Variants in RPAP1 observed in about 807,000 individuals in gnomAD.
The protein encoded by RPAP1 is RNA polymerase II associated protein 1.
A neutral mutation model predicts 142.4 loss-of-function variants in RPAP1; 109 were observed. The observed-to-expected ratio is 0.77, with a 90% CI of 0.66 to 0.90. The LOEUF is 0.90. Among genes scored for constraint, RPAP1 ranks in the 40% least tolerant of loss-of-function variants. RPAP1 has a pLI of 0.00. For synonymous variants in RPAP1, 704 were observed against 738.9 expected (o/e 0.95, Z 0.77); for missense variants, 1,546 against 1,751.7 (o/e 0.88, Z 2.10).
Position 41,517,235 on chromosome 15 carries a change from C to T in RPAP1, c.*307G>A, listed in dbSNP as rs571977663. On this transcript the variant is annotated 3_prime_UTR_variant, in exon 25 of 25. Coordinates refer to ENST00000304330, the MANE Select transcript of RPAP1 (RefSeq NM_015540.4). ...CAACTATAGCATTCATATGCCTCAG[C>T]CCAGGGCAGGGGTTGGGAGTTAGGT... The T allele has an allele frequency of 2.4e-4, 60 of 254,608 alleles. No homozygotes were observed. In the South Asian group the frequency reaches 7.0e-3, roughly 30 times the overall value. The allele number at this position is 254,608 out of a possible 1,614,324, so 15.8% of individuals were successfully genotyped here.
At chr15:41,522,483 C>A (rs892353405) in intron 19 of RPAP1, 4 of 569,482 alleles carry the variant, frequency 7.0e-6, no homozygotes, top group African/African-American at 5.6e-5. Context: ...CTCCGCCTCC[C>A]GGGTTCAAGT....
At chr15:41,522,581 G>A (rs1006828154) in intron 19 of RPAP1, 184 bp downstream of exon 19, 5 of 577,832 alleles carry the variant, frequency 8.7e-6, no homozygotes, top group African/African-American at 5.7e-5. Flanking sequence ...GTAGAGATGG[G>A]GTTTCTCCAT....
At position 41,520,906 on chromosome 15, in the gene RPAP1, C is replaced by T; in HGVS notation, c.3280G>A (p.Glu1094Lys). The change falls in exon 22 of 25, where the codon GAG becomes AAG. Residue 1094 changes from glutamate (E) to lysine (K), a missense_variant. Physicochemically the swap from Glu to Lys is moderately conservative, Grantham distance 56. This residue lies in a region of RPAP1 where 1,333 missense variants were observed against 1,486.6 expected (regional missense o/e 0.90). Coordinates refer to ENST00000304330, the MANE Select transcript of RPAP1 (RefSeq NM_015540.4). ...GGCCAGTCGGTGGGCAGCAGCGGCT[C>T]CGTAGGCATGGGCAGTAGCAGGGTT... ...VPTLLLPMPT[E>K]PLLPTDWPFL... 1 of 1,613,426 alleles carries T rather than the reference C, an allele frequency of 6.2e-7. No homozygotes were observed. The highest frequency in any genetic ancestry group is 8.5e-7 in the Non-Finnish European group (1 of 1,179,970).
chr15:41,531,600 CATATATATATATAT>C (rs779055706), intron 6 of RPAP1, among the ~76,000 whole-genome samples: 4 of 67,642 alleles, frequency 5.9e-5, no homozygotes, highest in African/African-American at 2.1e-4. Flanking sequence ...TGCACACACA[CATATATATATATAT>C]ATATATATAT....
intron 6 of RPAP1, among the ~76,000 whole-genome samples, chr15:41,532,418 C>A (rs2051860815): frequency 6.6e-6 from 1 of 152,126 alleles, no homozygotes; most frequent in South Asian, 2.1e-4. Context: ...CTCACCTCAA[C>A]CTCCCAAAGT....
At chr15:41,544,054 C>A (rs1365664221) in intron 1 of RPAP1, 165 bp downstream of exon 1, 1 of 151,988 alleles carries the variant, frequency 6.6e-6, no homozygotes, top group African/African-American at 2.4e-5. Context: ...CAGCTTTCGC[C>A]GCCCGTTGAA....
At position 41,534,897 on chromosome 15, in the gene RPAP1, C is replaced by G. The variant is rs1236273805; in HGVS notation, c.580G>C (p.Gly194Arg). ...TGGCTGCTCCCAGGAAGCTGGCAGC[C>G]CTGGTTCCTAGGAGTGGGTGTCTCA... ...TCETPTPRNQ[G>R]CQLPGSSHSF... The change falls in exon 6 of 25, where the codon GGC becomes CGC. Residue 194 changes from glycine (G) to arginine (R), a missense_variant. Gly to Arg is a moderately radical substitution (Grantham distance 125). Transcript: ENST00000304330. The G allele has an allele frequency of 1.2e-6, 2 of 1,614,132 alleles. No homozygotes were observed. Among genetic ancestry groups the G allele is most frequent in the Admixed American group, 3.3e-5 (2 of 60,008 alleles).
rs369573970 is a variant in RPAP1, at chr15:41,531,214, G to A, written c.764-12C>T. ...AACCAAGCTGGGGTCTAGAGGCGAA[G>A]GTAGAGGGGAGAGTGAGTGAGGGTA... On this transcript the variant is annotated splice_polypyrimidine_tract_variant and intron_variant, in intron 6 of 24. Coordinates refer to ENST00000304330, the MANE Select transcript of RPAP1 (RefSeq NM_015540.4). 1.1e-4 allele frequency: 175 copies of A among 1,601,822 alleles called. 1 individual carries two copies. In the African/African-American group the frequency reaches 2.1e-3, roughly 20 times the overall value.
At chr15:41,536,709 GGCTAGGGAA>G in intron 2 of RPAP1, 60 bp from the exon 3 acceptor site, 1 of 1,572,420 alleles carries the variant, frequency 6.4e-7, no homozygotes, top group African/African-American at 1.4e-5. Flanking sequence ...AGACACTGCA[GGCTAGGGAA>G]GAAAGACAGC....
At chr15:41,533,657 C>T (rs1566888846) in intron 6 of RPAP1, among the ~76,000 whole-genome samples, 5 of 151,706 alleles carry the variant, frequency 3.3e-5, no homozygotes, top group Admixed American at 6.6e-5. Flanking sequence ...AGGGAAACCC[C>T]GTCTCTACTA....
At chr15:41,532,912 C>T (rs975597752) in intron 6 of RPAP1, among the ~76,000 whole-genome samples, 1 of 128,878 alleles carries the variant, frequency 7.8e-6, no homozygotes, top group Non-Finnish European at 1.5e-5. Flanking sequence ...TAGGGAGGTA[C>T]AGGTTGCAGT....
chr15:41,536,187 A>G lies in RPAP1; in HGVS notation c.362T>C (p.Leu121Pro), dbSNP rs1326425648. ...GAAAGCAACACCACTGGGCACAGGC[A>G]GATTCACGGCCACTGAACTTGTATC... ...ERDTSSVAVN[L>P]PVPSGVAFPA... is the part of the protein sequence containing the mutation. Residue 121 changes from leucine to proline, a missense_variant, in exon 4 of 25, where the codon CTG becomes CCG. By Grantham distance (98) the Leu-to-Pro change is moderately conservative. This residue lies in a region of RPAP1 where 1,333 missense variants were observed against 1,486.6 expected (regional missense o/e 0.90). Transcript: ENST00000304330. 3 of 1,614,074 alleles carry G rather than the reference A, an allele frequency of 1.9e-6. No individual in the cohort carries two copies. The African/African-American group carries it at 4.0e-5, about 22-fold the overall frequency.
At position 41,529,846 on chromosome 15, in the gene RPAP1, C is replaced by T. The variant is rs199846489; in HGVS notation, c.1059+18G>A. 1.9e-5 allele frequency: 30 copies of T among 1,565,848 alleles called. No individual in the cohort carries two copies. In the Middle Eastern group the frequency reaches 5.1e-4, roughly 27 times the overall value. ...CCCTATCTCACCCACCCCTTGTAGGCCAGGTGGCCCTCCTCACCTCCTGTG... is the reference window on the plus strand; with the variant it reads ...CCCTATCTCACCCACCCCTTGTAGGTCAGGTGGCCCTCCTCACCTCCTGTG... On this transcript the variant is annotated intron_variant, in intron 8 of 24. Coordinates refer to ENST00000304330, the MANE Select transcript of RPAP1 (RefSeq NM_015540.4).
At position 41,521,888 on chromosome 15, in the gene RPAP1, CAGA is replaced by C; in HGVS notation, c.2896-11_2896-9del. 6 of 1,613,122 alleles carry C rather than the reference CAGA, an allele frequency of 3.7e-6. No homozygotes were observed. The highest frequency in any genetic ancestry group is 5.1e-6 in the Non-Finnish European group (6 of 1,179,600). On this transcript the variant is annotated splice_polypyrimidine_tract_variant and intron_variant, in intron 20 of 24. Transcript: ENST00000304330. ...CAGTGGCTGCAGCGCTGCCTGCAGA[CAGA>C]AAAGCAGGGAACTACCTAGTACAGG...
intron 21 of RPAP1, among the ~76,000 whole-genome samples, chr15:41,521,460 G>A (rs1184894914): frequency 6.6e-6 from 1 of 152,208 alleles, no homozygotes; most frequent in Non-Finnish European, 1.5e-5. Context: ...ATCAAACACA[G>A]AGTAAACACT....
In RPAP1 at chr15:41,534,053, C is replaced by T. The variant is rs527896940; in HGVS notation, c.763+661G>A. Among the ~76,000 whole-genome samples the T allele has an allele frequency of 6.0e-5, 9 of 150,734 alleles. 1 individual carries two copies. The South Asian group carries it at 1.1e-3, about 18-fold the overall frequency. On this transcript the variant is annotated intron_variant, in intron 6 of 24. Coordinates refer to ENST00000304330, the MANE Select transcript of RPAP1 (RefSeq NM_015540.4). Reference sequence around the variant, plus strand: ...AGGAGAATCATTTGAACCCAGGAGGCGGAGGTTGCAGTGAGCCTACGTCGC... The same window carrying T: ...AGGAGAATCATTTGAACCCAGGAGGTGGAGGTTGCAGTGAGCCTACGTCGC...
In RPAP1 at chr15:41,522,249, A is replaced by G. The variant is rs1321246869; in HGVS notation, c.2744T>C (p.Leu915Pro). Residue 915 changes from leucine (L) to proline (P), a missense_variant and splice_region_variant, in exon 20 of 25, where the codon CTG (leucine) becomes CCG (proline). Physicochemically the swap from Leu to Pro is moderately conservative, Grantham distance 98. Transcript: ENST00000304330. ...TCCCGGGGCAGCCAATATGGCAGCC[A>G]GCTGAGGAAAAGCAATTTTGTTCAG... ...AQIHKGLCGQ[L>P]AAILAAPGLQ... is the part of the protein sequence containing the mutation. 6.2e-7 allele frequency: 1 copy of G among 1,613,614 alleles called. No individual in the cohort carries two copies. Among genetic ancestry groups the G allele is most frequent in the South Asian group, 1.1e-5 (1 of 91,040 alleles).
rs1364034580 is a variant in RPAP1 at position 41,520,806 on chromosome 15, C to T, written c.3380G>A (p.Gly1127Asp). The change falls in exon 22 of 25, where the codon GGC becomes GAC. Residue 1127 changes from glycine (G) to aspartate (D), a missense_variant. Gly to Asp is a moderately conservative substitution (Grantham distance 94). Around this residue, in one of 3 missense-constraint regions of RPAP1, gnomAD observed 1,333 missense variants for 1,486.6 expected, o/e 0.90. Coordinates refer to ENST00000304330, the MANE Select transcript of RPAP1 (RefSeq NM_015540.4). ...PSGLSPTDTMGTAMRVLQWVL... is the reference protein window; with the variant it reads ...PSGLSPTDTMDTAMRVLQWVL... ...CCACTGCAGGACCCGCATGGCTGTG[C>T]CCATGGTGTCTGTGGGAGAGAGTCC... 99 of 1,613,722 alleles carry T rather than the reference C, an allele frequency of 6.1e-5. No individual in the cohort carries two copies. Among genetic ancestry groups the T allele is most frequent in the Non-Finnish European group, 8.4e-5 (99 of 1,180,034 alleles).
intron 5 of RPAP1, among the ~76,000 whole-genome samples, 170 bp from the exon 6 acceptor site, chr15:41,535,105 C>T (rs2051894317): frequency 6.6e-6 from 1 of 152,224 alleles, no homozygotes; most frequent in Admixed American, 6.5e-5. Flanking sequence ...GGCTTCTCCA[C>T]TCACTGCTTC....
Sources: gnomAD v4.1 joint callset for allele counts (sites outside exome capture counted in the v4.1 genomes callset) on GRCh38, gnomAD v4.1.1 for gene constraint, gnomAD v4.1.1 regional missense constraint, MANE v1.5 for transcripts, NCBI Gene and HGNC (gene_info 2026-07-23, HGNC 2026-07-21) for gene names.